Variants in LRRC37A2 observed in about 807,000 individuals in gnomAD.
LRRC37A2 encodes the protein leucine rich repeat containing 37 member A2, also known as leucine-rich repeat-containing protein 37A2.
LRRC37A2 carries 9 observed loss-of-function variants against 68.8 expected under a neutral mutation model. That is an observed-to-expected ratio of 0.13 (90% CI 0.08 to 0.23). The LOEUF is 0.23. LRRC37A2 is among the 10% of genes least tolerant of loss of function. The pLI, the probability that LRRC37A2 is intolerant of heterozygous loss-of-function variation, is 1.00. For missense variants in LRRC37A2, 168 were observed against 950.4 expected (o/e 0.18, Z 10.82); for synonymous variants, 63 against 367.6 (o/e 0.17, Z 9.48).
chr17:46,768,834 G>C, the LRRC37A2 span: 2 of 1,604,566 alleles, frequency 1.2e-6, no homozygotes, highest in Non-Finnish European at 1.7e-6. The surrounding 1 kb of genome is among the most constrained non-coding windows in gnomAD (Gnocchi z 5.0). Flanking sequence ...CCAACAGACC[G>C]ACCCCACGAG....
chr17:46,883,046 T>C, the LRRC37A2 span, among the ~76,000 whole-genome samples: 1 of 151,948 alleles, frequency 6.6e-6, no homozygotes, highest in African/African-American at 2.4e-5. Flanking sequence ...TGGCATGATC[T>C]CTGCTCACTG....
chr17:46,925,062 G>A, the LRRC37A2 span, among the ~76,000 whole-genome samples: 1 of 152,192 alleles, frequency 6.6e-6, no homozygotes, highest in Non-Finnish European at 1.5e-5. Flanking sequence ...CAAACAAGGT[G>A]TGTGGAGTGT....
intron 7 of LRRC37A2, among the ~76,000 whole-genome samples, 158 bp from the exon 7 acceptor site, chr17:46,540,649 C>CAAA (rs1382662567): frequency 6.9e-6 from 1 of 145,038 alleles, no homozygotes; most frequent in African/African-American, 2.7e-5. Flanking sequence ...TTTGATGATG[C>CAAA]AAATCAACTT....
the LRRC37A2 span, among the ~76,000 whole-genome samples, chr17:46,947,338 C>T: frequency 6.6e-6 from 1 of 152,196 alleles, no homozygotes; most frequent in African/African-American, 2.4e-5. Flanking sequence ...ACCTGGCAAC[C>T]TGAACTACCC....
At chr17:46,418,215 T>TTGTGTGTGTGTGTGTGTTTGTG in the LRRC37A2 span, among the ~76,000 whole-genome samples, 1 of 62,630 alleles carries the variant, frequency 1.6e-5, no homozygotes, top group African/African-American at 3.9e-5. Flanking sequence ...GTGTGTGTGT[T>TTGTGTGTGTGTGTGTGTTTGTG]TGTGTGTGTG....
the LRRC37A2 span, among the ~76,000 whole-genome samples, chr17:47,034,564 T>C: frequency 6.6e-6 from 1 of 152,132 alleles, no homozygotes; most frequent in Non-Finnish European, 1.5e-5. Context: ...GGCTACATAC[T>C]GCCTTACAGT....
At chr17:46,703,322 G>GAT in the LRRC37A2 span, among the ~76,000 whole-genome samples, 1 of 59,992 alleles carries the variant, frequency 1.7e-5, no homozygotes, top group Non-Finnish European at 3.2e-5. Flanking sequence ...TTGTTCAGAG[G>GAT]ATATATATAT....
the LRRC37A2 span, among the ~76,000 whole-genome samples, chr17:46,977,086 A>G: frequency 6.6e-6 from 1 of 152,148 alleles, no homozygotes; most frequent in Non-Finnish European, 1.5e-5. Flanking sequence ...AGCACTTGGG[A>G]GCCAGGACGA....
the LRRC37A2 span, among the ~76,000 whole-genome samples, chr17:46,605,480 G>C: frequency 6.7e-6 from 1 of 148,564 alleles, no homozygotes; most frequent in Non-Finnish European, 1.5e-5. Context: ...AGAGAAAAAA[G>C]ATATTACCTT....
At chr17:46,935,584 A>G in the LRRC37A2 span, 6 of 1,108,278 alleles carry the variant, frequency 5.4e-6, no homozygotes, top group African/African-American at 4.9e-5. Context: ...CTGCCTTATA[A>G]CTAAAACCTT....
chr17:46,834,642 T>A, the LRRC37A2 span, among the ~76,000 whole-genome samples: 1 of 152,106 alleles, frequency 6.6e-6, no homozygotes, highest in Admixed American at 6.5e-5. Context: ...ACAGGCTTGG[T>A]CCTTCTCGCC....
the LRRC37A2 span, chr17:46,941,390 T>C: frequency 1.2e-5 from 12 of 982,608 alleles, no homozygotes; most frequent in African/African-American, 1.0e-4. Flanking sequence ...GAATTCGATA[T>C]TCATTTTTAT....
chr17:46,743,419 A>T, the LRRC37A2 span, among the ~76,000 whole-genome samples: 1 of 152,134 alleles, frequency 6.6e-6, no homozygotes, highest in Non-Finnish European at 1.5e-5. Flanking sequence ...CGCCTCAGGA[A>T]TCTCCACCTC....
chr17:46,745,790 T>G, the LRRC37A2 span, among the ~76,000 whole-genome samples: 1 of 152,232 alleles, frequency 6.6e-6, no homozygotes, highest in Non-Finnish European at 1.5e-5. Flanking sequence ...AAGTTTGCCA[T>G]TAGAATTTAG....
chr17:46,801,238 G>C, the LRRC37A2 span, among the ~76,000 whole-genome samples: 1 of 152,186 alleles, frequency 6.6e-6, no homozygotes, highest in East Asian at 1.9e-4. Context: ...GGAGAGGAGC[G>C]GGTGCAGGGC....
chr17:47,028,143 C>A, the LRRC37A2 span: 1 of 689,126 alleles, frequency 1.5e-6, no homozygotes, highest in Non-Finnish European at 2.6e-6. Flanking sequence ...CCAGTATCTT[C>A]CACAGTGAGA....
chr17:46,985,086 A>ATT, the LRRC37A2 span, among the ~76,000 whole-genome samples: 1 of 152,202 alleles, frequency 6.6e-6, no homozygotes, highest in Non-Finnish European at 1.5e-5. Context: ...CACGTTTCAA[A>ATT]TTGGCAGAGG....
chr17:46,771,532 G>C, the LRRC37A2 span, among the ~76,000 whole-genome samples: 20 of 148,870 alleles, frequency 1.3e-4, no homozygotes, highest in Non-Finnish European at 2.8e-4. Flanking sequence ...GCCTGGGAGC[G>C]GCGCTGACAG....
At chr17:46,490,362 T>C in the LRRC37A2 span, among the ~76,000 whole-genome samples, 1 of 151,202 alleles carries the variant, frequency 6.6e-6, no homozygotes, top group East Asian at 1.9e-4. Context: ...TAGTCTGTGA[T>C]TTCGATAATT....
Sources: allele counts gnomAD v4.1 joint callset (sites outside exome capture counted in the v4.1 genomes callset), GRCh38; gene constraint gnomAD v4.1.1; non-coding constraint Gnocchi (gnomAD v3.1); transcripts MANE v1.5; gene names NCBI Gene and HGNC (gene_info 2026-07-23, HGNC 2026-07-21).